The following ASTN2 variants were observed in gnomAD, a reference collection of about 807,000 sequenced individuals.
The protein encoded by ASTN2 is astrotactin-2.
A neutral mutation model predicts 139.8 loss-of-function variants in ASTN2; 54 were observed. The observed-to-expected ratio is 0.39, with a 90% confidence interval of 0.31 to 0.48. The LOEUF is 0.48. Among genes scored for constraint, ASTN2 ranks in the 20% least tolerant of loss-of-function variants. ASTN2 has a pLI of 0.95. For synonymous variants in ASTN2, 756 were observed against 719.5 expected (o/e 1.05, Z -0.81); for missense variants, 1,565 against 1,725.1 (o/e 0.91, Z 1.64).
intron 11 of ASTN2, among the ~76,000 whole-genome samples, chr9:116,854,949 G>A (rs192748448): frequency 2.0e-5 from 3 of 150,754 alleles, no homozygotes; most frequent in Non-Finnish European, 4.4e-5. Flanking sequence ...ACCGCGCCCG[G>A]CCTCCCTTCT....
At chr9:117,243,176 G>A (rs1364053133) in intron 2 of ASTN2, among the ~76,000 whole-genome samples, 7 of 152,194 alleles carry the variant, frequency 4.6e-5, no homozygotes, top group African/African-American at 1.7e-4. Context: ...TAGCTAAGAA[G>A]TGGCAGAGCT....
In ASTN2 at chr9:117,293,667, C is replaced by T. The variant is rs887705285; in HGVS notation, c.443-2154G>A. On this transcript the variant is annotated intron_variant, in intron 1 of 22. Transcript: ENST00000313400. ...CATCCCAGGCTGGGGTGATCTGCTG[C>T]CCCACTGACCCCCTCCCAGCCTTAG... Among the ~76,000 whole-genome samples the T allele has an allele frequency of 7.2e-5, 11 of 152,296 alleles. No homozygotes were observed. In the East Asian group the frequency reaches 1.9e-3, roughly 27 times the overall value.
intron 19 of ASTN2, chr9:116,586,201 A>C (rs1008311909): frequency 6.6e-6 from 1 of 152,216 alleles, no homozygotes; most frequent in African/African-American, 2.4e-5. Context: ...GTTGGTGAGA[A>C]TGTAAATTGG....
chr9:117,277,944 T>C (rs181287953), intron 2 of ASTN2, among the ~76,000 whole-genome samples: 22 of 152,362 alleles, frequency 1.4e-4, no homozygotes, highest in African/African-American at 4.1e-4. Flanking sequence ...ATCCCTCAAC[T>C]GTGGAAAACA....
At chr9:117,043,031 C>T (rs185016721) in intron 5 of ASTN2, among the ~76,000 whole-genome samples, 1 of 152,146 alleles carries the variant, frequency 6.6e-6, no homozygotes, top group East Asian at 1.9e-4. Flanking sequence ...CCACCACACC[C>T]AGCTAATTTT....
intron 7 of ASTN2, among the ~76,000 whole-genome samples, chr9:117,001,148 C>T (rs1306883627): frequency 1.3e-5 from 2 of 152,160 alleles, no homozygotes; most frequent in Non-Finnish European, 2.9e-5. Flanking sequence ...TTCCCTGTCA[C>T]TTGGGAGAAA....
intron 7 of ASTN2, among the ~76,000 whole-genome samples, chr9:116,982,779 C>T (rs1234535388): frequency 6.6e-6 from 1 of 152,142 alleles, no homozygotes. Flanking sequence ...GTTGCAGAGG[C>T]TGAGATCTTG....
intron 6 of ASTN2, among the ~76,000 whole-genome samples, chr9:117,035,094 T>G (rs1042251232): frequency 6.6e-6 from 1 of 152,092 alleles, no homozygotes; most frequent in Non-Finnish European, 1.5e-5. Context: ...CTGAGAGCTC[T>G]CTCTACTAAG....
At chr9:117,120,012 GTGTGTGTATATATATATATATA>G (rs965644439) in intron 4 of ASTN2, among the ~76,000 whole-genome samples, 3 of 68,786 alleles carry the variant, frequency 4.4e-5, no homozygotes, top group African/African-American at 1.9e-4. Context: ...GTGTGTGTGT[GTGTGTGTATATATATATATATA>G]TATATATATA....
rs145616042 is a variant in ASTN2, at chr9:116,790,585, C to T, written c.2396+15047G>A. 3.2e-3 allele frequency among the ~76,000 whole-genome samples: 492 copies of T among 152,168 alleles called. 4 individuals are homozygous for T. The highest frequency in any genetic ancestry group is 0.011 in the African/African-American group (468 of 41,514). On this transcript the variant is annotated intron_variant, in intron 13 of 22. Transcript: ENST00000313400. ...GGAAGCACTTCTTCCAGGGAGTCTT[C>T]GCTGCCTCTCACTGAGCAAAATGCA...
intron 16 of ASTN2, among the ~76,000 whole-genome samples, chr9:116,658,521 T>G (rs1001992957): frequency 6.6e-6 from 1 of 151,948 alleles, no homozygotes; most frequent in African/African-American, 2.4e-5. Flanking sequence ...AGAGAAACAG[T>G]AGGTAGGAAG....
intron 20 of ASTN2, among the ~76,000 whole-genome samples, chr9:116,481,257 G>A (rs1224447126): frequency 6.6e-6 from 1 of 152,188 alleles, no homozygotes; most frequent in African/African-American, 2.4e-5. Context: ...GCACATGCCT[G>A]TAGTACCAGT....
At chr9:117,329,180 CTTTT>C (rs749880987) in intron 1 of ASTN2, among the ~76,000 whole-genome samples, 3 of 82,582 alleles carry the variant, frequency 3.6e-5, no homozygotes, top group African/African-American at 9.5e-5. Context: ...CTTCCAAGTT[CTTTT>C]TTTTTTTTTT....
chr9:116,745,175 T>C (rs1829201878), intron 13 of ASTN2, among the ~76,000 whole-genome samples: 1 of 152,138 alleles, frequency 6.6e-6, no homozygotes, highest in South Asian at 2.1e-4. Context: ...TATAGAGAAG[T>C]GTCTTATTTA....
chr9:116,789,858 G>A (rs977463274), intron 13 of ASTN2, among the ~76,000 whole-genome samples: 12 of 151,386 alleles, frequency 7.9e-5, no homozygotes, highest in Admixed American at 3.9e-4. Flanking sequence ...TTCATGTTGA[G>A]GAAAATGTCA....
intron 6 of ASTN2, among the ~76,000 whole-genome samples, chr9:117,014,270 A>T (rs1246277302): frequency 6.6e-6 from 1 of 152,144 alleles, no homozygotes; most frequent in African/African-American, 2.4e-5. Context: ...TCAGGCTTTA[A>T]TACATTCCAC....
At chr9:117,256,884 A>G (rs1474143529) in intron 2 of ASTN2, among the ~76,000 whole-genome samples, 4 of 152,154 alleles carry the variant, frequency 2.6e-5, no homozygotes, top group African/African-American at 7.2e-5. Flanking sequence ...GGGAAACTGA[A>G]GTTCAGAGAG....
At chr9:117,136,405 C>T (rs930358855) in intron 4 of ASTN2, among the ~76,000 whole-genome samples, 1 of 152,200 alleles carries the variant, frequency 6.6e-6, no homozygotes, top group African/African-American at 2.4e-5. Flanking sequence ...ATGGCATGAT[C>T]TTTTAAAAGA....
chr9:117,285,894 T>C (rs533448397), intron 2 of ASTN2, among the ~76,000 whole-genome samples: 2 of 152,330 alleles, frequency 1.3e-5, no homozygotes, highest in East Asian at 3.9e-4. Flanking sequence ...AAAATTCTTT[T>C]CTTCTCCTAC....
Sources: gnomAD v4.1 joint callset for allele counts (sites outside exome capture counted in the v4.1 genomes callset) on GRCh38, gnomAD v4.1.1 for gene constraint, MANE v1.5 for transcripts, NCBI Gene and HGNC (gene_info 2026-07-23, HGNC 2026-07-21) for gene names.